IAPP: variants seen among roughly 807,000 people sequenced by gnomAD.
IAPP encodes the protein Islet amyloid polypeptide (diabetes-associated peptide; amylin).
Under a neutral mutation model 2.9 loss-of-function variants are expected in IAPP, and 4 were observed. That is an observed-to-expected ratio of 1.39 (90% CI 0.69 to 3.19). The LOEUF is 3.19. IAPP is among the 30% of genes most tolerant of loss of function. The pLI is 0.01. For missense variants in IAPP, 114 were observed against 105.3 expected (o/e 1.08, Z -0.36); for synonymous variants, 40 against 42.1 (o/e 0.95, Z 0.19).
rs180977293 is a variant in IAPP, at chr12:21,357,373, C to T, written c.-16+2360C>T. On this transcript the variant is annotated intron_variant, in intron 1 of 2. Transcript: ENST00000539393. ...CTGCTTCTCCAAACCAACAAGATTGCCAGCAAACTACCAGAAGCTAGAAAG... is the reference window on the plus strand; with the variant it reads ...CTGCTTCTCCAAACCAACAAGATTGTCAGCAAACTACCAGAAGCTAGAAAG... Among the ~76,000 whole-genome samples, 522 of 152,230 alleles carry T rather than the reference C, an allele frequency of 3.4e-3. 3 individuals carry two copies. The highest frequency in any genetic ancestry group is 0.012 in the African/African-American group (494 of 41,552).
chr12:21,361,500 G>A (rs187655734), intron 1 of IAPP, among the ~76,000 whole-genome samples: 1 of 152,312 alleles, frequency 6.6e-6, no homozygotes, highest in East Asian at 1.9e-4. Context: ...AAGGAACAGA[G>A]CTCCTTGCCA....
In IAPP at chr12:21,378,671, A is replaced by G. The variant is rs1236239442; in HGVS notation, c.*245A>G. On this transcript the variant is annotated 3_prime_UTR_variant, in exon 3 of 3. Coordinates refer to ENST00000240652, the MANE Select transcript of IAPP (RefSeq NM_000415.3). ...TTGTATTTTAAAACATAAGAACGTC[A>G]TTTTGGGACCTATATCTCAGTGGCA... 4.6e-6 allele frequency: 2 copies of G among 432,890 alleles called. No individual in the cohort carries two copies. Among genetic ancestry groups the G allele is most frequent in the African/African-American group, 3.9e-5 (2 of 50,836 alleles). 26.8% of individuals were successfully genotyped at this position (432,890 alleles called of 1,614,324 possible).
At chr12:21,366,161 A>G (rs1357736544) in intron 1 of IAPP, among the ~76,000 whole-genome samples, 1 of 152,208 alleles carries the variant, frequency 6.6e-6, no homozygotes, top group Non-Finnish European at 1.5e-5. Context: ...AATGTCCATC[A>G]GTGATAGACT....
In IAPP at chr12:21,373,449, C is replaced by T. The variant is rs377231142; in HGVS notation, c.80+18C>T. 4.5e-6 allele frequency: 7 copies of T among 1,562,412 alleles called. No homozygotes were observed. The highest frequency in any genetic ancestry group is 2.2e-5 in the East Asian group (1 of 44,562). ...ATTGAAAGGTTGGTAACTTTAAAAT[C>T]CTGTTTCTTTGTAACTTTTGTAAAG... On this transcript the variant is annotated intron_variant, in intron 2 of 2. Coordinates refer to ENST00000240652, the MANE Select transcript of IAPP (RefSeq NM_000415.3).
chr12:21,373,810 A>G (rs879753743), intron 2 of IAPP: 2 of 628,198 alleles, frequency 3.2e-6, no homozygotes, highest in Non-Finnish European at 5.7e-6. Flanking sequence ...TTTTATACCA[A>G]GTGGATTCTT....
chr12:21,357,266 G>C (rs566399723), intron 1 of IAPP, among the ~76,000 whole-genome samples: 1 of 152,150 alleles, frequency 6.6e-6, no homozygotes, highest in East Asian at 1.9e-4. Flanking sequence ...ACTGGTGGAC[G>C]TATAAAAAGG....
intron 1 of IAPP, among the ~76,000 whole-genome samples, chr12:21,360,228 T>C (rs575824416): frequency 7.9e-5 from 12 of 152,298 alleles, no homozygotes; most frequent in East Asian, 1.9e-4. Flanking sequence ...GTCTGTTACA[T>C]TGATTGTGGT....
chr12:21,363,624 G>T (rs1038446342), intron 1 of IAPP, among the ~76,000 whole-genome samples: 6 of 152,104 alleles, frequency 3.9e-5, no homozygotes, highest in African/African-American at 1.4e-4. Flanking sequence ...TTTTGGAAAA[G>T]ATGAACAAAA....
At chr12:21,366,440 A>C (rs1693731465) in intron 1 of IAPP, among the ~76,000 whole-genome samples, 1 of 152,148 alleles carries the variant, frequency 6.6e-6, no homozygotes, top group Non-Finnish European at 1.5e-5. Flanking sequence ...GATATACCTA[A>C]TGTAAATGAC....
intron 2 of IAPP, chr12:21,373,872 TA>T (rs915974955): frequency 2.0e-6 from 1 of 495,690 alleles, no homozygotes; most frequent in South Asian, 4.1e-5. Flanking sequence ...CTGGAAATGT[TA>T]AAAACTTTTA....
Position 21,378,694 on chromosome 12 carries a change from G to A in IAPP, c.*268G>A. Reference sequence around the variant, plus strand: ...TCATTTTGGGACCTATATCTCAGTGGCACAGGTTTAAGAACGAAGGAGAAA... The same window carrying A: ...TCATTTTGGGACCTATATCTCAGTGACACAGGTTTAAGAACGAAGGAGAAA... On this transcript the variant is annotated 3_prime_UTR_variant, in exon 3 of 3. Transcript: ENST00000240652. 1 of 362,204 alleles carries A rather than the reference G, an allele frequency of 2.8e-6. No homozygotes were observed. The highest frequency in any genetic ancestry group is 5.1e-6 in the Non-Finnish European group (1 of 197,704). 22.4% of individuals were successfully genotyped at this position (362,204 alleles called of 1,614,324 possible). A position where few individuals can be genotyped will look rare whatever the true frequency, so the allele number is the denominator to read the frequency against.
At chr12:21,372,206 A>T (rs576843351), upstream of IAPP, among the ~76,000 whole-genome samples, 1 of 152,338 alleles carries the variant, frequency 6.6e-6, no homozygotes, top group East Asian at 1.9e-4. Context: ...TGTAAGAATG[A>T]ATGGAAAAGG....
At chr12:21,361,588 C>A (rs1489057144) in intron 1 of IAPP, among the ~76,000 whole-genome samples, 1 of 152,126 alleles carries the variant, frequency 6.6e-6, no homozygotes, top group East Asian at 1.9e-4. Flanking sequence ...TAATAACAAA[C>A]TTCTCCGAGC....
upstream of IAPP, among the ~76,000 whole-genome samples, chr12:21,368,229 C>G (rs746780085): frequency 6.6e-6 from 1 of 152,132 alleles, no homozygotes; most frequent in Non-Finnish European, 1.5e-5. Flanking sequence ...CGAATCATAT[C>G]AAGCCTCTAG....
At chr12:21,366,011 A>G (rs1272098090) in intron 1 of IAPP, among the ~76,000 whole-genome samples, 1 of 152,238 alleles carries the variant, frequency 6.6e-6, no homozygotes, top group Non-Finnish European at 1.5e-5. Context: ...AGTATCTTGA[A>G]CTAGAAATAC....
intron 2 of IAPP, 38 bp from the exon 3 acceptor site, chr12:21,378,199 T>C: frequency 1.3e-6 from 2 of 1,593,162 alleles, no homozygotes; most frequent in Non-Finnish European, 1.7e-6. Context: ...GCTAAAATTC[T>C]AAGGCTCTAA....
At chr12:21,355,959 C>T (rs1319237155) in intron 1 of IAPP, among the ~76,000 whole-genome samples, 1 of 151,954 alleles carries the variant, frequency 6.6e-6, no homozygotes, top group African/African-American at 2.4e-5. Flanking sequence ...GAATGAGTAA[C>T]AGCATATCAG....
At chr12:21,357,795 G>C (rs1938490209) in intron 1 of IAPP, among the ~76,000 whole-genome samples, 1 of 152,072 alleles carries the variant, frequency 6.6e-6, no homozygotes. Flanking sequence ...CAAGATCTCA[G>C]GAGTCCTTAA....
At chr12:21,370,714 C>T (rs1939722922), upstream of IAPP, among the ~76,000 whole-genome samples, 3 of 152,054 alleles carry the variant, frequency 2.0e-5, no homozygotes, top group African/African-American at 7.2e-5. Flanking sequence ...AGGTAATAAG[C>T]AAGTATTTTT....
Sources: allele counts gnomAD v4.1 joint callset (sites outside exome capture counted in the v4.1 genomes callset), GRCh38; gene constraint gnomAD v4.1.1; transcripts MANE v1.5; gene names NCBI Gene and HGNC (gene_info 2026-07-23, HGNC 2026-07-21).